The following EPHA6 variants were observed in gnomAD, a reference collection of about 807,000 sequenced individuals.
EPHA6 encodes the protein ephrin type-A receptor 6.
Under a neutral mutation model 112.0 loss-of-function variants are expected in EPHA6, and 50 were observed. That is an observed-to-expected ratio of 0.45 (90% CI 0.36 to 0.56). The LOEUF is 0.56. Ranked by LOEUF, EPHA6 falls within the 20% of genes least tolerant of loss-of-function variation. The pLI is 0.00. For missense variants in EPHA6, 1,280 were observed against 1,417.4 expected, an observed-to-expected ratio of 0.90 and a Z score of 1.56; for synonymous variants, 529 against 490.7, an observed-to-expected ratio of 1.08 and a Z score of -1.03.
intron 10 of EPHA6, among the ~76,000 whole-genome samples, chr3:97,499,590 A>G (rs910557330): frequency 2.6e-5 from 4 of 152,200 alleles, no homozygotes; most frequent in South Asian, 2.1e-4. Context: ...CGCTGAAGCT[A>G]TATGGTATAG....
At chr3:97,663,370 A>G (rs2094182671) in intron 14 of EPHA6, among the ~76,000 whole-genome samples, 1 of 151,394 alleles carries the variant, frequency 6.6e-6, no homozygotes, top group Non-Finnish European at 1.5e-5. Context: ...GTTTTAGGGT[A>G]CATGTGCACA....
intron 3 of EPHA6, among the ~76,000 whole-genome samples, chr3:97,164,239 A>T (rs763612666): frequency 6.6e-5 from 10 of 152,176 alleles, no homozygotes; most frequent in Non-Finnish European, 1.5e-4. Flanking sequence ...GTATTGCCAG[A>T]TTGTGCTAGG....
chr3:97,070,137 A>G (rs1301342780), intron 3 of EPHA6, among the ~76,000 whole-genome samples: 5 of 152,162 alleles, frequency 3.3e-5, no homozygotes, highest in African/African-American at 1.2e-4. Context: ...CAGTTGCTCA[A>G]TAGTATCTCT....
rs748835784 is a variant in EPHA6, at chr3:97,749,319, A to G, written c.*618A>G. The G allele has an allele frequency of 3.3e-5, 7 of 214,744 alleles. No homozygotes were observed. Among genetic ancestry groups the G allele is most frequent in the Non-Finnish European group, 5.6e-5 (6 of 106,482 alleles). The allele number at this position is 214,744 out of a possible 1,614,324, so 13.3% of individuals were successfully genotyped here. A position where few individuals can be genotyped will look rare whatever the true frequency, so the allele number is the denominator to read the frequency against. On this transcript the variant is annotated 3_prime_UTR_variant, in exon 18 of 18. Transcript: ENST00000389672. ...GGGGTTATTAGGGAGGGAGAAAAAA[A>G]TACTGTGTTTATAAATCTTCTGAGG...
chr3:97,466,272 G>A, intron 7 of EPHA6: 1 of 1,218,498 alleles, frequency 8.2e-7, no homozygotes, highest in Non-Finnish European at 1.2e-6. Context: ...AGTAAGGTTA[G>A]ATAGAAAACA....
chr3:97,442,110 G>T (rs1198401366), intron 6 of EPHA6, among the ~76,000 whole-genome samples: 14 of 152,024 alleles, frequency 9.2e-5, no homozygotes, highest in Non-Finnish European at 2.1e-4. Context: ...GAATAGAAAT[G>T]GATGACTTTT....
chr3:97,422,307 A>C (rs952896379), intron 6 of EPHA6, among the ~76,000 whole-genome samples: 1 of 152,146 alleles, frequency 6.6e-6, no homozygotes, highest in East Asian at 1.9e-4. Context: ...CAACAAGCCA[A>C]TTGAAAACCT....
intron 13 of EPHA6, among the ~76,000 whole-genome samples, chr3:97,611,636 A>G (rs1037646778): frequency 2.4e-4 from 36 of 151,788 alleles, no homozygotes; most frequent in African/African-American, 2.4e-5. Context: ...AAGGTCATAT[A>G]TTTGCATGTC....
intron 10 of EPHA6, among the ~76,000 whole-genome samples, chr3:97,493,479 A>T (rs9869935): frequency 6.6e-6 from 1 of 152,076 alleles, no homozygotes; most frequent in African/African-American, 2.4e-5. Context: ...CTCTTCGTAT[A>T]AGATCACAGT....
intron 2 of EPHA6, among the ~76,000 whole-genome samples, chr3:96,910,962 T>G (rs2107601832): frequency 6.6e-6 from 1 of 152,204 alleles, no homozygotes; most frequent in Middle Eastern, 3.4e-3. Context: ...TTATTCCTGT[T>G]GCATTTCTAT....
chr3:97,133,077 G>A (rs752327645), intron 3 of EPHA6, among the ~76,000 whole-genome samples: 2 of 151,966 alleles, frequency 1.3e-5, no homozygotes, highest in Admixed American at 6.6e-5. Flanking sequence ...AGGATAACTG[G>A]TGTTCTTAAG....
At chr3:97,055,991 C>A (rs946709684) in intron 3 of EPHA6, among the ~76,000 whole-genome samples, 2 of 150,666 alleles carry the variant, frequency 1.3e-5, no homozygotes, top group Admixed American at 6.6e-5. Flanking sequence ...TCTAAACTTA[C>A]ATATTCTATA....
Position 97,750,452 on chromosome 3 carries a change from G to A in EPHA6, c.*1751G>A, listed in dbSNP as rs1169788328. Among the ~76,000 whole-genome samples, 2 of 152,024 alleles carry A rather than the reference G, an allele frequency of 1.3e-5. No homozygotes were observed. The highest frequency in any genetic ancestry group is 6.5e-5 in the Admixed American group (1 of 15,268). Reference sequence around the variant, plus strand: ...GCTCACGGCAACCTCTGCCTCCCGGGTTCAAGCGATTCTCCTGCCTCAGCC... The same window carrying A: ...GCTCACGGCAACCTCTGCCTCCCGGATTCAAGCGATTCTCCTGCCTCAGCC... On this transcript the variant is annotated 3_prime_UTR_variant, in exon 18 of 18. Coordinates refer to ENST00000389672, the MANE Select transcript of EPHA6 (RefSeq NM_001080448.3).
chr3:97,578,415 C>A (rs2093407694), intron 11 of EPHA6, among the ~76,000 whole-genome samples: 1 of 152,200 alleles, frequency 6.6e-6, no homozygotes, highest in South Asian at 2.1e-4. Context: ...AAATTGCAAA[C>A]ACTACTTCCA....
chr3:97,445,979 C>T (rs961323698), intron 6 of EPHA6, among the ~76,000 whole-genome samples: 7 of 152,154 alleles, frequency 4.6e-5, no homozygotes, highest in Non-Finnish European at 7.3e-5. Context: ...CAAAATTCAA[C>T]CTGCCAGGAT....
intron 2 of EPHA6, among the ~76,000 whole-genome samples, chr3:96,955,535 T>C (rs2041723818): frequency 6.6e-6 from 1 of 152,190 alleles, no homozygotes; most frequent in Non-Finnish European, 1.5e-5. Flanking sequence ...GTTTAATATT[T>C]GTACTCTTAG....
chr3:96,973,996 T>C (rs1161464371), intron 2 of EPHA6, among the ~76,000 whole-genome samples: 1 of 145,568 alleles, frequency 6.9e-6, no homozygotes, highest in East Asian at 2.0e-4. Flanking sequence ...ATATATAATA[T>C]ACTGTGTATA....
In EPHA6 at chr3:96,979,296, C is replaced by T. The variant is rs560795565; in HGVS notation, c.451-8034C>T. 3.8e-3 allele frequency among the ~76,000 whole-genome samples: 566 copies of T among 150,138 alleles called. 4 individuals are homozygous for T. Among genetic ancestry groups the T allele is most frequent in the African/African-American group, 0.011 (437 of 40,876 alleles). ...ATTCCCACCTATGAGTGAGAACATGCGGTGTTTGGTTTTTTGTCCTTGCAA... is the reference window on the plus strand; with the variant it reads ...ATTCCCACCTATGAGTGAGAACATGTGGTGTTTGGTTTTTTGTCCTTGCAA... On this transcript the variant is annotated intron_variant, in intron 2 of 17. Transcript: ENST00000389672.
intron 3 of EPHA6, among the ~76,000 whole-genome samples, chr3:96,994,862 A>T (rs1366752836): frequency 6.7e-6 from 1 of 150,226 alleles, no homozygotes; most frequent in Non-Finnish European, 1.5e-5. Context: ...AGAAGGTATT[A>T]TTGCTATATA....
Sources: allele counts gnomAD v4.1 joint callset (sites outside exome capture counted in the v4.1 genomes callset), GRCh38; gene constraint gnomAD v4.1.1; transcripts MANE v1.5; gene names NCBI Gene and HGNC (gene_info 2026-07-23, HGNC 2026-07-21).